Variants in ERC2 observed in about 807,000 individuals in gnomAD.
ERC2 encodes the protein ERC protein 2.
Under a neutral mutation model 114.8 loss-of-function variants are expected in ERC2, and 42 were observed. The observed-to-expected ratio is 0.37, with a 90% CI of 0.29 to 0.47. The LOEUF (loss-of-function observed/expected upper bound fraction) is 0.47, where lower values mean the gene tolerates loss of function less well. ERC2 is among the 20% of genes least tolerant of loss of function. ERC2 has a pLI of 0.99. For missense variants in ERC2, 939 were observed against 1,150.7 expected (o/e 0.82, Z 2.66); for synonymous variants, 454 against 425.5 (o/e 1.07, Z -0.82).
intron 14 of ERC2, among the ~76,000 whole-genome samples, chr3:55,857,060 G>C (rs1265960307): frequency 6.6e-6 from 1 of 151,986 alleles, no homozygotes; most frequent in Non-Finnish European, 1.5e-5. Flanking sequence ...TATTTTTTTG[G>C]GGGTGGGGGT....
At chr3:56,137,873 T>C (rs1020237468) in intron 6 of ERC2, among the ~76,000 whole-genome samples, 2 of 152,220 alleles carry the variant, frequency 1.3e-5, no homozygotes, top group African/African-American at 2.4e-5. Flanking sequence ...TTAGTTTAAA[T>C]AGCCACATGT....
chr3:56,302,235 C>A (rs575799579), intron 2 of ERC2, among the ~76,000 whole-genome samples: 24 of 152,248 alleles, frequency 1.6e-4, no homozygotes, highest in Admixed American at 1.5e-3. Context: ...TTCAATAACC[C>A]TAAGAGTAGA....
At chr3:55,850,028 AC>A (rs1180055002) in intron 14 of ERC2, among the ~76,000 whole-genome samples, 1 of 152,146 alleles carries the variant, frequency 6.6e-6, no homozygotes, top group Non-Finnish European at 1.5e-5. Flanking sequence ...TGATGGAGAA[AC>A]CATTCCATGC....
chr3:55,853,790 T>A (rs2061672572), intron 14 of ERC2, among the ~76,000 whole-genome samples: 1 of 152,054 alleles, frequency 6.6e-6, no homozygotes, highest in East Asian at 1.9e-4. Context: ...ATAGAATGAG[T>A]GCAGAGTTTC....
chr3:55,865,701 A>G (rs1214399102), intron 14 of ERC2, among the ~76,000 whole-genome samples: 1 of 152,184 alleles, frequency 6.6e-6, no homozygotes, highest in Non-Finnish European at 1.5e-5. Context: ...AAATTAGATC[A>G]TACAATGTGG....
At chr3:55,790,796 C>A (rs1190666091) in intron 14 of ERC2, among the ~76,000 whole-genome samples, 1 of 152,196 alleles carries the variant, frequency 6.6e-6, no homozygotes, top group Non-Finnish European at 1.5e-5. Context: ...GTATGTCTGG[C>A]ACATAGTACA....
At chr3:55,652,302 G>A (rs1240036636) in intron 17 of ERC2, among the ~76,000 whole-genome samples, 3 of 152,210 alleles carry the variant, frequency 2.0e-5, no homozygotes, top group Non-Finnish European at 2.9e-5. Context: ...TTCTGGAACA[G>A]TTTTAGTTGA....
intron 2 of ERC2, among the ~76,000 whole-genome samples, chr3:56,343,753 A>G (rs1482272182): frequency 6.6e-6 from 1 of 152,226 alleles, no homozygotes; most frequent in African/African-American, 2.4e-5. Flanking sequence ...CTGAACAAAC[A>G]GCAAAGGACA....
At chr3:55,607,649 A>T (rs1304533428) in intron 17 of ERC2, among the ~76,000 whole-genome samples, 1 of 151,642 alleles carries the variant, frequency 6.6e-6, no homozygotes, top group African/African-American at 2.4e-5. Flanking sequence ...AGAGAGAAAA[A>T]AAAAACAATA....
chr3:55,934,093 T>A (rs1202091228), intron 13 of ERC2, among the ~76,000 whole-genome samples: 1 of 152,212 alleles, frequency 6.6e-6, no homozygotes, highest in Non-Finnish European at 1.5e-5. Flanking sequence ...TATATATCTA[T>A]ATACGCGCAT....
intron 14 of ERC2, among the ~76,000 whole-genome samples, chr3:55,787,646 A>G (rs1445487593): frequency 1.3e-5 from 2 of 152,190 alleles, no homozygotes; most frequent in African/African-American, 4.8e-5. Flanking sequence ...GGGAAATAGG[A>G]ACAAGGGATA....
At chr3:55,787,979 C>T (rs2069651202) in intron 14 of ERC2, among the ~76,000 whole-genome samples, 1 of 152,148 alleles carries the variant, frequency 6.6e-6, no homozygotes, top group African/African-American at 2.4e-5. Flanking sequence ...GACTAAGTAG[C>T]CAGTAGCAAA....
intron 17 of ERC2, among the ~76,000 whole-genome samples, chr3:55,592,837 C>T (rs1484588694): frequency 1.3e-5 from 2 of 152,186 alleles, no homozygotes; most frequent in Non-Finnish European, 2.9e-5. Context: ...CTTCACCTAC[C>T]CACCTTTGGT....
intron 17 of ERC2, among the ~76,000 whole-genome samples, chr3:55,630,972 G>C (rs2059731943): frequency 1.3e-5 from 2 of 152,106 alleles, no homozygotes; most frequent in South Asian, 4.2e-4. Flanking sequence ...AAAAATAGAT[G>C]GAAAGAATTT....
At chr3:56,276,300 A>C (rs1470557227) in intron 3 of ERC2, among the ~76,000 whole-genome samples, 3 of 152,096 alleles carry the variant, frequency 2.0e-5, no homozygotes, top group Non-Finnish European at 4.4e-5. Context: ...CAAATTTTAT[A>C]ATTTCCTGTT....
chr3:55,962,620 C>G (rs1408328724), intron 12 of ERC2, among the ~76,000 whole-genome samples: 1 of 152,210 alleles, frequency 6.6e-6, no homozygotes, highest in African/African-American at 2.4e-5. Context: ...ATGATGTGCT[C>G]TAGGCACTTT....
chr3:55,883,953 T>A (rs2063244745), intron 14 of ERC2, among the ~76,000 whole-genome samples: 1 of 152,090 alleles, frequency 6.6e-6, no homozygotes, highest in South Asian at 2.1e-4. Flanking sequence ...GAAATTGGAA[T>A]AATGTTAATA....
At chr3:56,054,583 T>C (rs1357100500) in intron 7 of ERC2, among the ~76,000 whole-genome samples, 1 of 152,232 alleles carries the variant, frequency 6.6e-6, no homozygotes, top group Non-Finnish European at 1.5e-5. Flanking sequence ...TTAACATCCA[T>C]TGTATCATTT....
At chr3:56,059,036 A>G (rs544313858) in intron 7 of ERC2, among the ~76,000 whole-genome samples, 1 of 152,178 alleles carries the variant, frequency 6.6e-6, no homozygotes, top group East Asian at 1.9e-4. Flanking sequence ...ATAAGGCTTC[A>G]TGTGCTCTTG....
Sources: gnomAD v4.1 joint callset for allele counts (sites outside exome capture counted in the v4.1 genomes callset) on GRCh38, gnomAD v4.1.1 for gene constraint, MANE v1.5 for transcripts, NCBI Gene and HGNC (gene_info 2026-07-23, HGNC 2026-07-21) for gene names.